Variants in PNISR observed in about 807,000 individuals in gnomAD.
PNISR encodes arginine/serine-rich protein PNISR.
A neutral mutation model predicts 93.4 loss-of-function variants in PNISR; 20 were observed. The ratio of observed to expected loss-of-function variants is 0.21; its 90% CI spans 0.15 to 0.31. The LOEUF (loss-of-function observed/expected upper bound fraction) is 0.31. PNISR is among the 10% of genes least tolerant of loss of function. PNISR has a pLI of 1.00. For synonymous variants in PNISR, 305 were observed against 306.5 expected (o/e 0.99, Z 0.05); for missense variants, 893 against 985.4 (o/e 0.91, Z 1.25).
chr6:99,406,306 T>C, intron 7 of PNISR, 138 bp from the exon 8 acceptor site: 1 of 446,624 alleles, frequency 2.2e-6, no homozygotes, highest in East Asian at 3.4e-5. Flanking sequence ...CTAAATTACA[T>C]TTACTACAGA....
chr6:99,409,837 T>C (rs1286359781), intron 5 of PNISR: 1 of 154,530 alleles, frequency 6.5e-6, no homozygotes, highest in Non-Finnish European at 1.4e-5. Context: ...CAGAGGCTTT[T>C]CTAGGCCAGC....
chr6:99,405,727 G>T (rs1201855628), intron 8 of PNISR, among the ~76,000 whole-genome samples: 1 of 151,876 alleles, frequency 6.6e-6, no homozygotes, highest in Non-Finnish European at 1.5e-5. Flanking sequence ...ACTATGCCCG[G>T]CTAATTTTTT....
chr6:99,414,560 T>G lies in PNISR; in HGVS notation c.88+12A>C. The stretch of plus-strand genomic sequence containing the variant: ...CCAACCCCGCCCTTTCAAATTCAAT[T>G]TGTTTCCTTACTTGGATCCTGTTGG... On this transcript the variant is annotated intron_variant, in intron 3 of 11. Coordinates refer to ENST00000369239, the MANE Select transcript of PNISR (RefSeq NM_032870.4). The G allele has an allele frequency of 6.9e-7, 1 of 1,445,760 alleles. No homozygotes were observed. Among genetic ancestry groups the G allele is most frequent in the Middle Eastern group, 1.8e-4 (1 of 5,708 alleles). 89.6% of individuals were successfully genotyped at this position (1,445,760 alleles called of 1,614,324 possible).
chr6:99,423,374 G>C (rs1424742594), intron 1 of PNISR, among the ~76,000 whole-genome samples: 2 of 152,348 alleles, frequency 1.3e-5, no homozygotes, highest in East Asian at 3.9e-4. Context: ...AATAAATTAT[G>C]TAAATATTCC....
chr6:99,408,755 A>C (rs555070792), intron 6 of PNISR, among the ~76,000 whole-genome samples: 1 of 152,364 alleles, frequency 6.6e-6, no homozygotes, highest in African/African-American at 2.4e-5. Flanking sequence ...TTTTCTGCCA[A>C]AATACTTAAG....
chr6:99,410,471 A>G (rs1400258682), intron 5 of PNISR: 1 of 377,958 alleles, frequency 2.6e-6, no homozygotes, highest in South Asian at 4.8e-5. Flanking sequence ...TTAGAAAATA[A>G]AACATCATAT....
chr6:99,404,247 G>T, intron 9 of PNISR: 1 of 364,136 alleles, frequency 2.7e-6, no homozygotes, highest in Non-Finnish European at 5.0e-6. Flanking sequence ...AAAAATTGTA[G>T]GTAGATAATT....
In PNISR at chr6:99,400,262, A is replaced by G. The variant is rs1306616504; in HGVS notation, c.*278T>C. ...GAATTTTTTTAAAGAACATCATGGC[A>G]TTCTTGCCACATCATTCCTCAGCGT... is the stretch of plus-strand genomic sequence containing the variant. On this transcript the variant is annotated 3_prime_UTR_variant, in exon 12 of 12. Transcript: ENST00000369239. The G allele has an allele frequency of 2.3e-6, 2 of 864,040 alleles. No individual in the cohort carries two copies. Among genetic ancestry groups the G allele is most frequent in the East Asian group, 1.8e-4 (2 of 11,236 alleles). The allele number at this position is 864,040 out of a possible 1,614,324, so 53.5% of individuals were successfully genotyped here.
chr6:99,401,547 C>T lies in PNISR; in HGVS notation c.1411G>A (p.Ala471Thr), dbSNP rs780760988. 4 of 1,606,406 alleles carry T rather than the reference C, an allele frequency of 2.5e-6. No individual in the cohort carries two copies. In the African/African-American group the frequency reaches 5.4e-5, roughly 22 times the overall value. Residue 471 changes from alanine to threonine, a missense_variant, in exon 12 of 12, where the codon GCA (alanine) becomes ACA (threonine). Ala to Thr is a moderately conservative substitution (Grantham distance 58, BLOSUM62 0). This residue lies in a region of PNISR where 866 missense variants were observed against 935.1 expected (regional missense o/e 0.93). Coordinates refer to ENST00000369239, the MANE Select transcript of PNISR (RefSeq NM_032870.4). ...ACCACATCACCGTCTGCTTCTCTTG[C>T]TTCTAGTAGTGATAAACTATTTTGC... The part of the protein sequence containing the change: ...KEQNSLSLLE[A>T]READGDVVNE...
In PNISR at chr6:99,399,038, G is replaced by A. The variant is rs1007147577; in HGVS notation, c.*1502C>T. 3 of 152,036 alleles carry A rather than the reference G, an allele frequency of 2.0e-5. No homozygotes were observed. The East Asian group carries it at 5.8e-4, about 29-fold the overall frequency. 9.4% of individuals were successfully genotyped at this position (152,036 alleles called of 1,614,324 possible). ...TAATAATCTATGTAGAGGTACAAGA[G>A]CACACTATACAAATCTATTTCTATC... On this transcript the variant is annotated 3_prime_UTR_variant, in exon 12 of 12. Coordinates refer to ENST00000369239, the MANE Select transcript of PNISR (RefSeq NM_032870.4).
chr6:99,404,474 G>A (rs915029847), intron 9 of PNISR, 129 bp downstream of exon 9: 1 of 706,210 alleles, frequency 1.4e-6, no homozygotes, highest in African/African-American at 1.8e-5. Flanking sequence ...TAATCTTTAA[G>A]AGTTAAAACA....
chr6:99,400,471 A>G lies in PNISR; in HGVS notation c.*69T>C. The G allele has an allele frequency of 6.5e-7, 1 of 1,530,396 alleles. No homozygotes were observed. Among genetic ancestry groups the G allele is most frequent in the Non-Finnish European group, 8.7e-7 (1 of 1,143,040 alleles). 94.8% of individuals were successfully genotyped at this position (1,530,396 alleles called of 1,614,324 possible). A position where few individuals can be genotyped will look rare whatever the true frequency, so the allele number is the denominator to read the frequency against. The stretch of plus-strand genomic sequence containing the variant: ...AGTTTATTAAAGAGAGAGAGAAAGG[A>G]CACTTTCAACTTTGAATAAATTCAG... On this transcript the variant is annotated 3_prime_UTR_variant, in exon 12 of 12. Transcript: ENST00000369239.
intron 8 of PNISR, 45 bp from the exon 9 acceptor site, chr6:99,404,747 C>T (rs773889236): frequency 1.1e-6 from 1 of 936,584 alleles, no homozygotes; most frequent in South Asian, 1.4e-5. Flanking sequence ...ATTATAGCTA[C>T]TAATAGTGTG....
At chr6:99,424,411 TAAAA>T (rs36093339) in intron 1 of PNISR, among the ~76,000 whole-genome samples, 1 of 148,264 alleles carries the variant, frequency 6.7e-6, no homozygotes, top group Non-Finnish European at 1.5e-5. Context: ...ATTAGTAAGT[TAAAA>T]AAAAAAACTC....
intron 4 of PNISR, chr6:99,412,347 A>C (rs1346444311): frequency 4.4e-6 from 3 of 679,270 alleles, no homozygotes; most frequent in Admixed American, 2.0e-5. Context: ...GAAAAGAATC[A>C]AACTGAGTGC....
Position 99,410,952 on chromosome 6 carries a change from T to G in PNISR, c.290A>C (p.His97Pro). 1 of 1,611,402 alleles carries G rather than the reference T, an allele frequency of 6.2e-7. No individual in the cohort carries two copies. ...NRMWQPEWGMHQQPPHPPPDQ... is the reference protein window; with the variant it reads ...NRMWQPEWGMPQQPPHPPPDQ... The stretch of plus-strand genomic sequence containing the variant: ...TGGAGGGGGGTGTGGGGGTTGCTGA[T>G]GCATTCCCCATTCTATTTAAGATTT... Residue 97 changes from histidine (H) to proline (P), a missense_variant, in exon 5 of 12, where the codon CAT (histidine) becomes CCT (proline). This residue lies in a region of PNISR where 866 missense variants were observed against 935.1 expected (regional missense o/e 0.93). Coordinates refer to ENST00000369239, the MANE Select transcript of PNISR (RefSeq NM_032870.4).
At chr6:99,409,873 T>C (rs1401975268) in intron 5 of PNISR, 2 of 153,464 alleles carry the variant, frequency 1.3e-5, no homozygotes, top group African/African-American at 2.4e-5. Context: ...TTGTCTTGTT[T>C]ACATGGGATC....
chr6:99,403,135 C>G (rs1255343035), intron 10 of PNISR: 1 of 152,536 alleles, frequency 6.6e-6, no homozygotes, highest in Admixed American at 6.5e-5. Context: ...ATACTATAAT[C>G]TCCCTGGTAC....
intron 1 of PNISR, among the ~76,000 whole-genome samples, chr6:99,417,027 A>G (rs1257548388): frequency 1.3e-5 from 2 of 152,356 alleles, no homozygotes; most frequent in South Asian, 2.1e-4. Flanking sequence ...TTTAAAGGCT[A>G]ATGATGAGGA....
Sources: gnomAD v4.1 joint callset for allele counts (sites outside exome capture counted in the v4.1 genomes callset) on GRCh38, gnomAD v4.1.1 for gene constraint, gnomAD v4.1.1 regional missense constraint, MANE v1.5 for transcripts, NCBI Gene and HGNC (gene_info 2026-07-23, HGNC 2026-07-21) for gene names.